Variants in ATP2B2 observed in about 807,000 individuals in gnomAD.
The protein encoded by ATP2B2 is plasma membrane calcium-transporting ATPase 2.
In ATP2B2, 15 loss-of-function variants were observed where a neutral mutation model predicts 120.0. The ratio of observed to expected loss-of-function variants is 0.12; its 90% CI spans 0.08 to 0.19. ATP2B2 has a LOEUF of 0.19. Ranked by LOEUF, ATP2B2 falls within the 10% of genes least tolerant of loss-of-function variation. The pLI is 1.00. For missense variants in ATP2B2, 1,045 were observed against 1,719.8 expected (o/e 0.61, Z 6.94); for synonymous variants, 694 against 700.3 (o/e 0.99, Z 0.14).
chr3:10,447,697 C>T (rs2063886970), intron 2 of ATP2B2, among the ~76,000 whole-genome samples: 1 of 152,158 alleles, frequency 6.6e-6, no homozygotes, highest in Admixed American at 6.5e-5. Context: ...GACCATTCTG[C>T]CAGGGATAAG....
chr3:10,465,022 T>C (rs557306180), intron 1 of ATP2B2, among the ~76,000 whole-genome samples: 23 of 152,326 alleles, frequency 1.5e-4, no homozygotes, highest in African/African-American at 5.3e-4. Flanking sequence ...TTTCCCTGAG[T>C]GCCAGGCCCT....
intron 3 of ATP2B2, among the ~76,000 whole-genome samples, chr3:10,530,860 G>A (rs543539782): frequency 5.9e-5 from 9 of 152,312 alleles, no homozygotes; most frequent in Admixed American, 3.3e-4. Context: ...AAATTCTGCC[G>A]ATTGAACTTA....
At chr3:10,403,340 C>T (rs543697398) in intron 3 of ATP2B2, among the ~76,000 whole-genome samples, 63 of 152,346 alleles carry the variant, frequency 4.1e-4, no homozygotes, top group Non-Finnish European at 8.1e-4. Context: ...GCATCCCAAC[C>T]GTTGCACCAC....
At chr3:10,653,439 G>A (rs2070520960) in intron 1 of ATP2B2, among the ~76,000 whole-genome samples, 1 of 152,216 alleles carries the variant, frequency 6.6e-6, no homozygotes. Context: ...GGGAGGGAAG[G>A]TGCCTGAGTT....
At chr3:10,650,204 A>C (rs570856549) in intron 1 of ATP2B2, among the ~76,000 whole-genome samples, 1 of 152,372 alleles carries the variant, frequency 6.6e-6, no homozygotes, top group African/African-American at 2.4e-5. Flanking sequence ...ATAGTGATAT[A>C]AACAATAACG....
intron 22 of ATP2B2, chr3:10,336,394 A>ACGG (rs1225166247): frequency 2.5e-6 from 3 of 1,214,074 alleles, no homozygotes; most frequent in Non-Finnish European, 3.5e-6. Context: ...AGCCGCAGCC[A>ACGG]CGGCAACAAC....
chr3:10,703,265 C>T (rs1018470745), intron 1 of ATP2B2, among the ~76,000 whole-genome samples: 2 of 152,168 alleles, frequency 1.3e-5, no homozygotes, highest in African/African-American at 4.8e-5. Flanking sequence ...CCTTTCTCCT[C>T]CTGGGAGGGA....
At chr3:10,422,707 A>T (rs1490072055) in intron 2 of ATP2B2, among the ~76,000 whole-genome samples, 1 of 152,238 alleles carries the variant, frequency 6.6e-6, no homozygotes, top group Non-Finnish European at 1.5e-5. Context: ...TGCATAGTGC[A>T]GCGCTGGGTG....
At chr3:10,639,048 G>A (rs2070098733) in intron 1 of ATP2B2, among the ~76,000 whole-genome samples, 1 of 152,164 alleles carries the variant, frequency 6.6e-6, no homozygotes, top group South Asian at 2.1e-4. Context: ...TAGAACAAGG[G>A]ACAGAACTAT....
chr3:10,389,248 A>G (rs2061774469), intron 5 of ATP2B2, among the ~76,000 whole-genome samples: 3 of 152,162 alleles, frequency 2.0e-5, no homozygotes, highest in East Asian at 1.9e-4. Context: ...TTGGGGCTTC[A>G]GTGTCAGCTA....
intron 1 of ATP2B2, among the ~76,000 whole-genome samples, chr3:10,463,889 T>C (rs1301165124): frequency 6.6e-6 from 1 of 152,206 alleles, no homozygotes; most frequent in Non-Finnish European, 1.5e-5. Context: ...AGGCAGCCCT[T>C]GGGCCCAGTC....
intron 12 of ATP2B2, among the ~76,000 whole-genome samples, chr3:10,370,684 G>A (rs188467333): frequency 2.1e-3 from 322 of 152,312 alleles, no homozygotes; most frequent in Non-Finnish European, 3.2e-3. Flanking sequence ...CGATAAAGCT[G>A]CTAGCAGCTC....
intron 12 of ATP2B2, among the ~76,000 whole-genome samples, chr3:10,362,173 C>A (rs1286401640): frequency 6.6e-6 from 1 of 152,212 alleles, no homozygotes; most frequent in East Asian, 1.9e-4. Context: ...CCTGAAGTAC[C>A]AGATGAACCT....
intron 2 of ATP2B2, among the ~76,000 whole-genome samples, chr3:10,419,221 A>T (rs2062889553): frequency 1.3e-5 from 2 of 152,190 alleles, no homozygotes; most frequent in South Asian, 4.1e-4. Flanking sequence ...CCCTCCCACC[A>T]CGGGTGGCCA....
chr3:10,669,504 T>G (rs542697971), intron 1 of ATP2B2, among the ~76,000 whole-genome samples: 218 of 152,276 alleles, frequency 1.4e-3, no homozygotes, highest in Non-Finnish European at 2.5e-3. Context: ...TTCACCCCTT[T>G]AAACTGTGGC....
chr3:10,432,719 A>G (rs2063357504), intron 2 of ATP2B2, among the ~76,000 whole-genome samples: 1 of 152,244 alleles, frequency 6.6e-6, no homozygotes, highest in South Asian at 2.1e-4. Context: ...CTTAGATCAT[A>G]GCCCCTCTGG....
intron 2 of ATP2B2, among the ~76,000 whole-genome samples, chr3:10,433,616 G>C (rs147785413): frequency 6.6e-6 from 1 of 152,166 alleles, no homozygotes; most frequent in African/African-American, 2.4e-5. Context: ...GTTACAAGAC[G>C]AAACCATGAA....
intron 1 of ATP2B2, among the ~76,000 whole-genome samples, chr3:10,691,514 A>G (rs2071662563): frequency 6.6e-6 from 1 of 152,156 alleles, no homozygotes; most frequent in African/African-American, 2.4e-5. Flanking sequence ...GTGGGGCCCT[A>G]GGGCTTCACT....
rs1001745187 is a variant in ATP2B2 at position 10,629,829 on chromosome 3, C to T, written c.-459-9868G>A. Among the ~76,000 whole-genome samples the T allele has an allele frequency of 3.3e-5, 5 of 152,202 alleles. No homozygotes were observed. In the East Asian group the frequency reaches 9.6e-4, roughly 29 times the overall value. On this transcript the variant is annotated intron_variant, in intron 1 of 21. Coordinates refer to the ATP2B2 transcript ENST00000646379. ...AATCTCTGGCATAAATTCATTTAAA[C>T]AAAATATTGCCAAGCAACGCAAAAG...
Sources: gnomAD v4.1 joint callset for allele counts (sites outside exome capture counted in the v4.1 genomes callset) on GRCh38, gnomAD v4.1.1 for gene constraint, MANE v1.5 for transcripts, NCBI Gene and HGNC (gene_info 2026-07-23, HGNC 2026-07-21) for gene names.